SLC35F4: variants seen among roughly 807,000 people sequenced by gnomAD.
SLC35F4 encodes the protein chromosome 14 open reading frame 36.
A neutral mutation model predicts 44.2 loss-of-function variants in SLC35F4; 24 were observed. That is an observed-to-expected ratio of 0.54 (90% CI 0.39 to 0.76). SLC35F4 has a LOEUF of 0.76. Among genes scored for constraint, SLC35F4 ranks in the 30% least tolerant of loss-of-function variants. SLC35F4 has a pLI of 0.00. For synonymous variants in SLC35F4, 238 were observed against 223.6 expected (o/e 1.06, Z -0.57); for missense variants, 562 against 586.1 (o/e 0.96, Z 0.42).
At chr14:57,618,455 A>C (rs1469033754) in intron 1 of SLC35F4, among the ~76,000 whole-genome samples, 2 of 152,124 alleles carry the variant, frequency 1.3e-5, no homozygotes, top group Non-Finnish European at 2.9e-5. Context: ...TCCCTCCCCT[A>C]CCCAAGGGAA....
chr14:57,689,908 AT>A (rs1259221402), intron 1 of SLC35F4, among the ~76,000 whole-genome samples: 2 of 152,326 alleles, frequency 1.3e-5, no homozygotes, highest in South Asian at 2.1e-4. Flanking sequence ...ATAAAAAAAA[AT>A]AAAGATACAG....
intron 1 of SLC35F4, among the ~76,000 whole-genome samples, chr14:57,954,646 C>A (rs771399419): frequency 6.6e-6 from 1 of 152,140 alleles, no homozygotes; most frequent in Non-Finnish European, 1.5e-5. Flanking sequence ...ACTATAAACA[C>A]CTCCATGCAA....
intron 1 of SLC35F4, among the ~76,000 whole-genome samples, chr14:57,616,766 G>C (rs755693158): frequency 2.0e-5 from 3 of 152,010 alleles, no homozygotes; most frequent in Non-Finnish European, 4.4e-5. Flanking sequence ...AGTTTGAGGG[G>C]TCCCTTACCT....
intron 1 of SLC35F4, among the ~76,000 whole-genome samples, chr14:57,956,557 T>C (rs1175261607): frequency 6.6e-6 from 1 of 152,058 alleles, no homozygotes; most frequent in Non-Finnish European, 1.5e-5. Flanking sequence ...AAAGGGCTAA[T>C]ATCCAGAATC....
intron 1 of SLC35F4, among the ~76,000 whole-genome samples, chr14:57,904,691 C>T (rs532758967): frequency 6.6e-6 from 1 of 152,076 alleles, no homozygotes; most frequent in Non-Finnish European, 1.5e-5. Context: ...TCCACAGCCC[C>T]GCTAGGTGGA....
intron 1 of SLC35F4, among the ~76,000 whole-genome samples, chr14:57,859,993 T>C (rs986306961): frequency 6.6e-6 from 1 of 152,072 alleles, no homozygotes; most frequent in African/African-American, 2.4e-5. Flanking sequence ...GAAATACAGG[T>C]GTGGGTTCAG....
At chr14:57,854,710 G>T (rs1217833580) in intron 1 of SLC35F4, among the ~76,000 whole-genome samples, 1 of 152,168 alleles carries the variant, frequency 6.6e-6, no homozygotes, top group Non-Finnish European at 1.5e-5. Context: ...GCCACTCACT[G>T]GCTGTCGATT....
intron 1 of SLC35F4, among the ~76,000 whole-genome samples, chr14:57,780,124 G>A (rs1281041760): frequency 6.6e-6 from 1 of 152,114 alleles, no homozygotes; most frequent in Non-Finnish European, 1.5e-5. Flanking sequence ...CATCCAAATA[G>A]AAAGAGAATA....
At chr14:57,680,071 A>G (rs918562564) in intron 1 of SLC35F4, among the ~76,000 whole-genome samples, 1 of 152,102 alleles carries the variant, frequency 6.6e-6, no homozygotes, top group East Asian at 1.9e-4. Context: ...ACCCAACAAA[A>G]AAAGGAAATT....
At chr14:57,731,857 A>G (rs540674132) in intron 1 of SLC35F4, among the ~76,000 whole-genome samples, 1 of 152,336 alleles carries the variant, frequency 6.6e-6, no homozygotes, top group Non-Finnish European at 1.5e-5. Context: ...TGGCAAAAGC[A>G]TAGAAAAGCT....
At chr14:57,976,315 G>A (rs1381230577), downstream of SLC35F4, among the ~76,000 whole-genome samples, 1 of 152,180 alleles carries the variant, frequency 6.6e-6, no homozygotes, top group Non-Finnish European at 1.5e-5. Context: ...GGAAGGATTG[G>A]GGGCAGGGGG....
chr14:57,968,912 C>T (rs17094042), intron 1 of SLC35F4, among the ~76,000 whole-genome samples: 1,850 of 152,214 alleles, frequency 0.012, 40 homozygotes, highest in African/African-American at 0.042. Context: ...CTTAGGAATC[C>T]GTTAAACTTG....
At chr14:57,928,278 G>A (rs538562954) in intron 1 of SLC35F4, among the ~76,000 whole-genome samples, 5 of 152,244 alleles carry the variant, frequency 3.3e-5, no homozygotes, top group South Asian at 2.1e-4. Flanking sequence ...TAGAGACAAC[G>A]TGGAGAGCCT....
chr14:57,841,428 G>A (rs1885470815), intron 1 of SLC35F4, among the ~76,000 whole-genome samples: 1 of 151,692 alleles, frequency 6.6e-6, no homozygotes, highest in Non-Finnish European at 1.5e-5. Flanking sequence ...GTGGAAGTGG[G>A]TTAAGTGGAA....
chr14:57,785,817 C>A (rs2077742794), intron 1 of SLC35F4, among the ~76,000 whole-genome samples: 1 of 152,132 alleles, frequency 6.6e-6, no homozygotes, highest in African/African-American at 2.4e-5. Context: ...CACAGGGATC[C>A]ATTGGGAGGG....
intron 1 of SLC35F4, among the ~76,000 whole-genome samples, chr14:57,662,866 T>C (rs919145256): frequency 9.9e-5 from 15 of 152,138 alleles, no homozygotes; most frequent in Non-Finnish European, 1.6e-4. Flanking sequence ...ATTTGCTGGT[T>C]GGGATTGGCC....
intron 1 of SLC35F4, among the ~76,000 whole-genome samples, chr14:57,672,665 A>G (rs2074557029): frequency 6.6e-6 from 1 of 152,144 alleles, no homozygotes; most frequent in Non-Finnish European, 1.5e-5. Context: ...TACTTAAGAG[A>G]ACTTGCTATA....
At chr14:57,578,343 T>G (rs1257938998) in intron 4 of SLC35F4, among the ~76,000 whole-genome samples, 3 of 131,054 alleles carry the variant, frequency 2.3e-5, no homozygotes, top group Admixed American at 7.8e-5. Flanking sequence ...TTTTTTTTTT[T>G]TTTTTTTTTT....
intron 1 of SLC35F4, among the ~76,000 whole-genome samples, chr14:57,779,592 A>C (rs2077569478): frequency 6.6e-6 from 1 of 152,160 alleles, no homozygotes; most frequent in Non-Finnish European, 1.5e-5. Context: ...ATGAGGCCAG[A>C]ATCATCCTGA....
Sources: allele counts gnomAD v4.1 joint callset (sites outside exome capture counted in the v4.1 genomes callset), GRCh38; gene constraint gnomAD v4.1.1; transcripts MANE v1.5; gene names NCBI Gene and HGNC (gene_info 2026-07-23, HGNC 2026-07-21).